The following ATP13A4 variants were observed in gnomAD, a reference collection of about 807,000 sequenced individuals.
The protein encoded by ATP13A4 is probable cation-transporting ATPase 13A4.
A neutral mutation model predicts 142.5 loss-of-function variants in ATP13A4; 114 were observed. The observed-to-expected ratio is 0.80, with a 90% CI of 0.69 to 0.93. The LOEUF (loss-of-function observed/expected upper bound fraction) is 0.93, where lower values mean the gene tolerates loss of function less well. ATP13A4 is among the 40% of genes least tolerant of loss of function. ATP13A4 has a pLI of 0.00. For synonymous variants in ATP13A4, 488 were observed against 514.8 expected (o/e 0.95, Z 0.70); for missense variants, 1,392 against 1,454.0 (o/e 0.96, Z 0.69).
At chr3:193,453,388 A>T (rs1576978792) in intron 17 of ATP13A4, among the ~76,000 whole-genome samples, 1 of 152,240 alleles carries the variant, frequency 6.6e-6, no homozygotes, top group Admixed American at 6.5e-5. Context: ...TTAGCTCCGT[A>T]ACAGCATAAG....
chr3:193,502,965 A>G (rs1310239456), intron 2 of ATP13A4, among the ~76,000 whole-genome samples: 1 of 151,770 alleles, frequency 6.6e-6, no homozygotes, highest in Non-Finnish European at 1.5e-5. Context: ...GACCATCCCC[A>G]TCTTTCAAGG....
chr3:193,440,351 C>T, intron 21 of ATP13A4: 1 of 929,060 alleles, frequency 1.1e-6, no homozygotes, highest in Non-Finnish European at 1.5e-6. Context: ...TTTTTTAAGC[C>T]CCATATAAAC....
intron 8 of ATP13A4, among the ~76,000 whole-genome samples, chr3:193,483,716 G>A (rs1324405078): frequency 5.3e-5 from 8 of 152,056 alleles, no homozygotes; most frequent in East Asian, 1.9e-4. Flanking sequence ...AGCCCGCCTC[G>A]GCCTCCCAAA....
rs1375773551 is a variant in ATP13A4 at position 193,492,921 on chromosome 3, T to A, written c.529A>T (p.Ile177Phe). The A allele has an allele frequency of 1.9e-6, 3 of 1,603,300 alleles. No homozygotes were observed. The highest frequency in any genetic ancestry group is 2.2e-5 in the East Asian group (1 of 44,734). ...AGGCAATAATATGCATGGTACCTAA[T>A]CTCCTGTTCTTCTCTTGTCAAGCCT... ...GSGLTREEQE[I>F]RRLICGPNTI... The change falls in exon 5 of 30, where the codon ATT (isoleucine) becomes TTT (phenylalanine). Residue 177 changes from isoleucine to phenylalanine, a missense_variant. Transcript: ENST00000342695.
chr3:193,546,574 G>A (rs1402191553), intron 1 of ATP13A4, among the ~76,000 whole-genome samples: 1 of 152,186 alleles, frequency 6.6e-6, no homozygotes, highest in African/African-American at 2.4e-5. Flanking sequence ...TTAAAGAGAG[G>A]TGAAGTGCTG....
chr3:193,551,803 C>A (rs1189397231), intron 1 of ATP13A4, among the ~76,000 whole-genome samples: 3 of 152,212 alleles, frequency 2.0e-5, no homozygotes, highest in East Asian at 3.8e-4. Context: ...TTTAGGTGAA[C>A]CTTCGCTGAA....
At chr3:193,527,756 A>G (rs1452718808) in intron 1 of ATP13A4, among the ~76,000 whole-genome samples, 1 of 151,770 alleles carries the variant, frequency 6.6e-6, no homozygotes, top group Non-Finnish European at 1.5e-5. Context: ...AGTCAATTAA[A>G]CCTCTTTTCT....
At chr3:193,433,997 C>T in intron 24 of ATP13A4, 80 bp from the exon 25 acceptor site, 1 of 1,167,950 alleles carries the variant, frequency 8.6e-7, no homozygotes, top group Non-Finnish European at 1.3e-6. Context: ...TATTTTCTCA[C>T]TGTGACATAG....
At chr3:193,530,788 C>T (rs530782665) in intron 1 of ATP13A4, among the ~76,000 whole-genome samples, 6 of 152,306 alleles carry the variant, frequency 3.9e-5, no homozygotes, top group African/African-American at 1.2e-4. Flanking sequence ...GAACTTCAGG[C>T]AAACCAGAAT....
At chr3:193,543,036 T>C (rs1475440865) in intron 1 of ATP13A4, among the ~76,000 whole-genome samples, 1 of 151,680 alleles carries the variant, frequency 6.6e-6, no homozygotes, top group Non-Finnish European at 1.5e-5. Context: ...GGTGTGGTGG[T>C]GGATGCCTGT....
At chr3:193,465,200 T>C (rs1489987672) in intron 11 of ATP13A4, 72 bp from the exon 12 acceptor site, 2 of 1,506,072 alleles carry the variant, frequency 1.3e-6, no homozygotes. Flanking sequence ...TTGCCTTTTT[T>C]TTTTGAGGCG....
At chr3:193,421,437 A>G (rs1182891996) in intron 25 of ATP13A4, among the ~76,000 whole-genome samples, 1 of 149,714 alleles carries the variant, frequency 6.7e-6, no homozygotes, top group African/African-American at 2.5e-5. Flanking sequence ...TAGAAATGGA[A>G]GGACACTACA....
At chr3:193,577,670 A>T (rs1191254478) in intron 2 of ATP13A4, among the ~76,000 whole-genome samples, 1 of 152,206 alleles carries the variant, frequency 6.6e-6, no homozygotes, top group Non-Finnish European at 1.5e-5. Flanking sequence ...TGGAACTGGA[A>T]GCTCTAAACC....
chr3:193,491,467 G>T (rs1719940007), intron 5 of ATP13A4, 69 bp from the exon 6 acceptor site: 1 of 1,123,256 alleles, frequency 8.9e-7, no homozygotes, highest in East Asian at 2.4e-5. Flanking sequence ...CACCTATTCA[G>T]AAAAAGGTCT....
At chr3:193,538,498 A>T (rs928380829) in intron 1 of ATP13A4, among the ~76,000 whole-genome samples, 6 of 94,158 alleles carry the variant, frequency 6.4e-5, no homozygotes, top group African/African-American at 2.2e-4. Flanking sequence ...AATCCACATT[A>T]AAAAAAAAAA....
chr3:193,399,158 G>A lies in ATP13A4; in HGVS notation c.*3494C>T, dbSNP rs895232512. ...CACGGTTCTCTGTGGGTAAGAGCTA[G>A]ATGCCTTGAGATGAACATACAGGGC... On this transcript the variant is annotated 3_prime_UTR_variant, in exon 30 of 30. Coordinates refer to ENST00000342695, the MANE Select transcript of ATP13A4 (RefSeq NM_032279.4). Among the ~76,000 whole-genome samples the A allele has an allele frequency of 1.2e-4, 19 of 152,176 alleles. No homozygotes were observed. The highest frequency in any genetic ancestry group is 4.3e-4 in the African/African-American group (18 of 41,432).
intron 25 of ATP13A4, among the ~76,000 whole-genome samples, chr3:193,424,808 C>T (rs1232598685): frequency 6.7e-6 from 1 of 148,776 alleles, no homozygotes; most frequent in African/African-American, 2.5e-5. Flanking sequence ...GCAACAAAAG[C>T]AAAAATAGAC....
chr3:193,578,871 A>G (rs1038272045), intron 2 of ATP13A4: 1 of 164,784 alleles, frequency 6.1e-6, no homozygotes, highest in African/African-American at 2.4e-5. Context: ...GCTGGGTTGT[A>G]GCCAGTTTTC....
intron 19 of ATP13A4, 119 bp from the exon 20 acceptor site, chr3:193,441,707 G>C (rs1716653783): frequency 3.2e-6 from 4 of 1,232,744 alleles, no homozygotes; most frequent in Non-Finnish European, 4.7e-6. Flanking sequence ...AAGTCACTCT[G>C]ATTCCTCAGA....
Sources: gnomAD v4.1 joint callset for allele counts (sites outside exome capture counted in the v4.1 genomes callset) on GRCh38, gnomAD v4.1.1 for gene constraint, MANE v1.5 for transcripts, NCBI Gene and HGNC (gene_info 2026-07-23, HGNC 2026-07-21) for gene names.